The following SLC25A48 variants were observed in gnomAD, a reference collection of about 807,000 sequenced individuals.
SLC25A48 encodes the protein CTC-321K16.1.
A neutral mutation model predicts 32.2 loss-of-function variants in SLC25A48; 29 were observed. That is an observed-to-expected ratio of 0.90 (90% CI 0.67 to 1.23). The LOEUF is 1.23. SLC25A48 is among the 50% of genes most tolerant of loss of function. SLC25A48 has a pLI of 0.00. For synonymous variants in SLC25A48, 164 were observed against 172.3 expected, an observed-to-expected ratio of 0.95 and a Z score of 0.38; for missense variants, 399 against 422.7, an observed-to-expected ratio of 0.94 and a Z score of 0.49.
At chr5:135,869,993 A>T (rs1323839707) in intron 4 of SLC25A48, among the ~76,000 whole-genome samples, 1 of 152,154 alleles carries the variant, frequency 6.6e-6, no homozygotes, top group African/African-American at 2.4e-5. Flanking sequence ...CCTCAACCTC[A>T]CCTGCTTCTG....
At chr5:135,876,344 G>C (rs779562729) in intron 6 of SLC25A48, 1 of 151,858 alleles carries the variant, frequency 6.6e-6, no homozygotes, top group Non-Finnish European at 1.5e-5. Context: ...GAAAATTACT[G>C]TGCTCTTTTA....
intron 1 of SLC25A48, among the ~76,000 whole-genome samples, chr5:135,585,585 G>A (rs1384014888): frequency 1.3e-5 from 2 of 152,140 alleles, no homozygotes; most frequent in Non-Finnish European, 2.9e-5. Context: ...TGAGCACAGG[G>A]CCGGGCACAC....
intron 3 of SLC25A48, among the ~76,000 whole-genome samples, chr5:135,687,125 T>C (rs961639653): frequency 6.6e-6 from 1 of 152,188 alleles, no homozygotes; most frequent in African/African-American, 2.4e-5. Flanking sequence ...TCTTGATGTC[T>C]TCACTCTGAG....
At chr5:135,681,249 C>T (rs927612337) in intron 3 of SLC25A48, among the ~76,000 whole-genome samples, 7 of 152,242 alleles carry the variant, frequency 4.6e-5, no homozygotes, top group African/African-American at 1.7e-4. Flanking sequence ...GCTGGGATTG[C>T]AGGCGTGAGC....
At chr5:135,821,752 G>A (rs1479081410) in intron 4 of SLC25A48, 1 of 152,222 alleles carries the variant, frequency 6.6e-6, no homozygotes, top group Non-Finnish European at 1.5e-5. Flanking sequence ...CAGACCTTAT[G>A]ACTTCATGAT....
intron 3 of SLC25A48, among the ~76,000 whole-genome samples, chr5:135,760,785 C>T (rs1023127721): frequency 8.5e-5 from 13 of 152,094 alleles, no homozygotes; most frequent in African/African-American, 2.7e-4. Context: ...TTCTGATATT[C>T]GACTTTGGAT....
At chr5:135,632,127 C>T (rs150214602) in intron 2 of SLC25A48, among the ~76,000 whole-genome samples, 89 of 152,294 alleles carry the variant, frequency 5.8e-4, no homozygotes, top group African/African-American at 1.8e-3. Flanking sequence ...TTTGGAGGCC[C>T]GATCCATGGT....
At chr5:135,765,341 C>T (rs1473546510) in intron 3 of SLC25A48, among the ~76,000 whole-genome samples, 1 of 149,822 alleles carries the variant, frequency 6.7e-6, no homozygotes, top group East Asian at 2.0e-4. Flanking sequence ...TGATATGGTT[C>T]TTAATATCCA....
intron 3 of SLC25A48, among the ~76,000 whole-genome samples, chr5:135,743,768 T>C (rs950117115): frequency 3.3e-5 from 5 of 152,234 alleles, no homozygotes; most frequent in African/African-American, 9.6e-5. Context: ...AAAGGCCTCA[T>C]GCATCTCCAT....
chr5:135,776,717 T>C (rs778874234), intron 3 of SLC25A48, among the ~76,000 whole-genome samples: 1 of 151,242 alleles, frequency 6.6e-6, no homozygotes, highest in Non-Finnish European at 1.5e-5. Context: ...TGTGATATTG[T>C]TCCTAAAACC....
At chr5:135,882,675 T>A (rs929361481) in intron 7 of SLC25A48, among the ~76,000 whole-genome samples, 2 of 152,060 alleles carry the variant, frequency 1.3e-5, no homozygotes, top group African/African-American at 4.8e-5. Flanking sequence ...AGAAGTGGCA[T>A]CCCGACCACT....
intron 1 of SLC25A48, among the ~76,000 whole-genome samples, chr5:135,589,911 G>T (rs1332661362): frequency 6.6e-6 from 1 of 152,100 alleles, no homozygotes; most frequent in East Asian, 1.9e-4. Context: ...GCCCAATTGG[G>T]TCTTGAACAC....
At chr5:135,800,476 T>C (rs1757293487) in intron 3 of SLC25A48, among the ~76,000 whole-genome samples, 1 of 151,818 alleles carries the variant, frequency 6.6e-6, no homozygotes. Flanking sequence ...GTTCCTAATA[T>C]GCAGGGGAAG....
At chr5:135,861,386 T>C (rs1760781404) in intron 4 of SLC25A48, among the ~76,000 whole-genome samples, 1 of 151,876 alleles carries the variant, frequency 6.6e-6, no homozygotes, top group African/African-American at 2.4e-5. Flanking sequence ...CTTCCAGAAT[T>C]AGACTACCTG....
At chr5:135,635,600 G>A (rs1752682186) in intron 3 of SLC25A48, among the ~76,000 whole-genome samples, 1 of 152,146 alleles carries the variant, frequency 6.6e-6, no homozygotes, top group Non-Finnish European at 1.5e-5. Context: ...ATGAATCAGT[G>A]GTATGCTGGT....
At chr5:135,723,380 TCACA>T (rs138387748) in intron 3 of SLC25A48, among the ~76,000 whole-genome samples, 43 of 111,764 alleles carry the variant, frequency 3.8e-4, no homozygotes, top group African/African-American at 1.2e-3. Flanking sequence ...TCTCTCTCTC[TCACA>T]CACACACACA....
chr5:135,828,296 TC>T (rs1758117966), intron 4 of SLC25A48, among the ~76,000 whole-genome samples: 1 of 152,186 alleles, frequency 6.6e-6, no homozygotes. Flanking sequence ...GACACACAGG[TC>T]ATAACGATGG....
At chr5:135,750,404 A>C (rs1755742201) in intron 3 of SLC25A48, among the ~76,000 whole-genome samples, 1 of 152,088 alleles carries the variant, frequency 6.6e-6, no homozygotes, top group South Asian at 2.1e-4. Flanking sequence ...TCACTCTCCC[A>C]CTGGCCTTGA....
intron 3 of SLC25A48, among the ~76,000 whole-genome samples, chr5:135,776,677 C>T (rs984265166): frequency 6.6e-6 from 1 of 150,798 alleles, no homozygotes; most frequent in African/African-American, 2.4e-5. Context: ...TGATATTTCT[C>T]CCAATATCAC....
Sources: gnomAD v4.1 joint callset for allele counts (sites outside exome capture counted in the v4.1 genomes callset) on GRCh38, gnomAD v4.1.1 for gene constraint, MANE v1.5 for transcripts, NCBI Gene and HGNC (gene_info 2026-07-23, HGNC 2026-07-21) for gene names.